The following RPS6KA2 variants were observed in gnomAD, a reference collection of about 807,000 sequenced individuals.
RPS6KA2 encodes the protein ribosomal protein S6 kinase A2.
A neutral mutation model predicts 91.8 loss-of-function variants in RPS6KA2; 42 were observed. That is an observed-to-expected ratio of 0.46 (90% CI 0.36 to 0.59). The LOEUF (loss-of-function observed/expected upper bound fraction) is 0.59. RPS6KA2 is among the 20% of genes least tolerant of loss of function. The pLI is 0.00. For missense variants in RPS6KA2, 798 were observed against 978.5 expected, an observed-to-expected ratio of 0.82 and a Z score of 2.46; for synonymous variants, 414 against 393.6, an observed-to-expected ratio of 1.05 and a Z score of -0.61.
At chr6:166,860,539 C>T (rs375824534) in intron 1 of RPS6KA2, among the ~76,000 whole-genome samples, 4 of 152,176 alleles carry the variant, frequency 2.6e-5, no homozygotes, top group African/African-American at 9.7e-5. Flanking sequence ...CTCCTCATGG[C>T]TTTGGTCACT....
intron 1 of RPS6KA2, among the ~76,000 whole-genome samples, chr6:166,568,474 G>A (rs977183420): frequency 4.6e-5 from 7 of 151,866 alleles, no homozygotes; most frequent in Non-Finnish European, 7.4e-5. Flanking sequence ...AAAATTAGCC[G>A]GTCGTGGTGG....
At chr6:166,491,159 A>G (rs1003133853) in intron 8 of RPS6KA2, among the ~76,000 whole-genome samples, 3 of 152,122 alleles carry the variant, frequency 2.0e-5, no homozygotes, top group African/African-American at 7.2e-5. Context: ...CATGTTGAAC[A>G]CCCATGCATG....
intron 1 of RPS6KA2, among the ~76,000 whole-genome samples, chr6:166,861,515 T>C (rs1781046491): frequency 1.3e-5 from 2 of 152,252 alleles, no homozygotes; most frequent in Admixed American, 1.3e-4. Context: ...TCAGCAGTGA[T>C]TCCTGCACAC....
chr6:166,608,792 A>G (rs1169582903), intron 1 of RPS6KA2, among the ~76,000 whole-genome samples: 2 of 152,120 alleles, frequency 1.3e-5, no homozygotes, highest in African/African-American at 4.8e-5. Context: ...ATGGTGAGAT[A>G]TTCTTTAGAT....
At chr6:166,520,118 C>T (rs192113396) in intron 3 of RPS6KA2, among the ~76,000 whole-genome samples, 24 of 152,282 alleles carry the variant, frequency 1.6e-4, no homozygotes, top group African/African-American at 5.5e-4. Context: ...TTCCAGCCCT[C>T]GGACATCAGT....
In RPS6KA2 at chr6:166,503,484, C is replaced by T. The variant is rs114177779; in HGVS notation, c.566+1022G>A. Among the ~76,000 whole-genome samples the T allele has an allele frequency of 5.8e-3, 879 of 152,290 alleles. 9 individuals carry two copies. The highest frequency in any genetic ancestry group is 0.02 in the African/African-American group (849 of 41,568). On this transcript the variant is annotated intron_variant, in intron 6 of 20. Coordinates refer to ENST00000265678, the MANE Select transcript of RPS6KA2 (RefSeq NM_021135.6). ...AGCAACTGGGACGCGTTTGCAGACCCCAGGGCCCCCCCTTGGTCTTAGCTC... is the reference window on the plus strand; with the variant it reads ...AGCAACTGGGACGCGTTTGCAGACCTCAGGGCCCCCCCTTGGTCTTAGCTC...
intron 10 of RPS6KA2, among the ~76,000 whole-genome samples, chr6:166,480,515 AATATAT>A (rs1781174067): frequency 1.2e-5 from 1 of 84,366 alleles, no homozygotes; most frequent in Non-Finnish European, 2.2e-5. Context: ...ATATATATAT[AATATAT>A]TTTTTTTTTT....
intron 2 of RPS6KA2, among the ~76,000 whole-genome samples, chr6:166,657,147 C>A (rs1047334823): frequency 6.6e-6 from 1 of 152,134 alleles, no homozygotes; most frequent in Admixed American, 6.5e-5. Context: ...CCAGGAGCCA[C>A]ACGAGGAAAA....
At chr6:166,562,559 C>T (rs11969176) in intron 1 of RPS6KA2, among the ~76,000 whole-genome samples, 4,914 of 152,234 alleles carry the variant, frequency 0.032, 271 homozygotes, top group African/African-American at 0.11. Flanking sequence ...CTGCCAAGCA[C>T]AATAAAATTC....
chr6:166,576,273 G>A (rs1185566096), intron 1 of RPS6KA2, among the ~76,000 whole-genome samples: 3 of 152,192 alleles, frequency 2.0e-5, no homozygotes, highest in African/African-American at 7.2e-5. Context: ...ATTGGTACCA[G>A]TAGAGTAAGG....
chr6:166,825,847 G>A lies in RPS6KA2; in HGVS notation c.123+32353C>T, dbSNP rs534346114. Among the ~76,000 whole-genome samples, 1 of 152,266 alleles carries A rather than the reference G, an allele frequency of 6.6e-6. No homozygotes were observed. The highest frequency in any genetic ancestry group is 1.9e-4 in the East Asian group (1 of 5,180). ...GGTTAGGATTTCAACACGAATTCTG[G>A]GAGAGACACAAGCATTCAGACCACA... On this transcript the variant is annotated intron_variant, in intron 2 of 21. Coordinates refer to the RPS6KA2 transcript ENST00000503859. This position sits in a 1 kb window ranked among gnomAD's most constrained non-coding sequence, Gnocchi z 4.1.
chr6:166,796,766 G>C lies in RPS6KA2; in HGVS notation c.123+61434C>G, dbSNP rs527978031. On this transcript the variant is annotated intron_variant, in intron 2 of 21. Coordinates refer to the RPS6KA2 transcript ENST00000503859. ...CCTGAGTGCGACTGCACAGTCCTGAGTGCACGCACGTGGCACACTCACACG... is the reference window on the plus strand; with the variant it reads ...CCTGAGTGCGACTGCACAGTCCTGACTGCACGCACGTGGCACACTCACACG... 1.7e-4 allele frequency among the ~76,000 whole-genome samples: 26 copies of C among 152,220 alleles called. 1 individual carries two copies. In the South Asian group the frequency reaches 5.2e-3, roughly 30 times the overall value.
At chr6:166,756,285 G>A (rs922577366) in intron 2 of RPS6KA2, among the ~76,000 whole-genome samples, 7 of 151,862 alleles carry the variant, frequency 4.6e-5, no homozygotes, top group South Asian at 2.1e-4. Context: ...GCGAGACTCC[G>A]TCTCAAAAAA....
intron 2 of RPS6KA2, among the ~76,000 whole-genome samples, chr6:166,695,492 A>C (rs1385769490): frequency 6.6e-6 from 1 of 152,144 alleles, no homozygotes; most frequent in Non-Finnish European, 1.5e-5. Flanking sequence ...TAATTAGAAG[A>C]ATGTATTTTT....
intron 2 of RPS6KA2, among the ~76,000 whole-genome samples, chr6:166,678,752 G>A (rs1788691425): frequency 6.6e-6 from 1 of 152,198 alleles, no homozygotes; most frequent in Admixed American, 6.5e-5. Context: ...CAAAGAAAGG[G>A]GGCTCAAAAC....
At chr6:166,744,925 G>A (rs975863111) in intron 2 of RPS6KA2, among the ~76,000 whole-genome samples, 1 of 152,188 alleles carries the variant, frequency 6.6e-6, no homozygotes, top group African/African-American at 2.4e-5. Flanking sequence ...CCTCATGGGT[G>A]CACTGGGCTG....
chr6:166,669,102 C>G (rs2128560280), intron 2 of RPS6KA2, among the ~76,000 whole-genome samples: 1 of 152,174 alleles, frequency 6.6e-6, no homozygotes, highest in Middle Eastern at 3.4e-3. Context: ...CCATGTTGCC[C>G]AGGCTGGTCT....
intron 19 of RPS6KA2, among the ~76,000 whole-genome samples, chr6:166,417,656 CGCAT>C (rs1037625706): frequency 6.6e-6 from 1 of 151,938 alleles, no homozygotes; most frequent in Non-Finnish European, 1.5e-5. Flanking sequence ...CACACACGCA[CGCAT>C]GTTCTGTTTG....
intron 2 of RPS6KA2, among the ~76,000 whole-genome samples, chr6:166,713,495 GT>G (rs1402976917): frequency 1.3e-5 from 2 of 152,184 alleles, no homozygotes; most frequent in Non-Finnish European, 2.9e-5. Flanking sequence ...TTTTTTCTCT[GT>G]TCTCCTTTTA....
Sources: allele counts gnomAD v4.1 joint callset (sites outside exome capture counted in the v4.1 genomes callset), GRCh38; gene constraint gnomAD v4.1.1; non-coding constraint Gnocchi (gnomAD v3.1); transcripts MANE v1.5; gene names NCBI Gene and HGNC (gene_info 2026-07-23, HGNC 2026-07-21).